AFG2A: variants seen among roughly 807,000 people sequenced by gnomAD.
The protein encoded by AFG2A is AAA ATPase AFG2A.
chr4:122,934,692 A>G, the AFG2A span: 1 of 1,599,792 alleles, frequency 6.3e-7, no homozygotes, highest in Non-Finnish European at 8.5e-7. Context: ...CAATTAGAGA[A>G]ATAATTGAAT....
the AFG2A span, among the ~76,000 whole-genome samples, chr4:123,199,867 A>G: frequency 6.6e-6 from 1 of 152,222 alleles, no homozygotes; most frequent in African/African-American, 2.4e-5. Context: ...GTATAAAAAT[A>G]TCTGCTTTCA....
At chr4:123,162,815 A>G in the AFG2A span, among the ~76,000 whole-genome samples, 2 of 152,184 alleles carry the variant, frequency 1.3e-5, no homozygotes, top group Non-Finnish European at 1.5e-5. Flanking sequence ...TTAGCATGTT[A>G]TTTGGCCCCT....
chr4:123,070,224 T>C, the AFG2A span, among the ~76,000 whole-genome samples: 15 of 152,278 alleles, frequency 9.9e-5, 1 homozygote, highest in Non-Finnish European at 1.9e-4. Flanking sequence ...ATGCCAATTA[T>C]AGTGCTGACA....
the AFG2A span, among the ~76,000 whole-genome samples, chr4:123,079,745 C>CTTTTTTTTTTTTTTTTTTTTT: frequency 5.5e-5 from 4 of 72,660 alleles, no homozygotes; most frequent in African/African-American, 1.2e-4. Flanking sequence ...TCTTTTCCTT[C>CTTTTTTTTTTTTTTTTTTTTT]TTTTTTTTTT....
At chr4:122,988,461 T>A in the AFG2A span, among the ~76,000 whole-genome samples, 1 of 150,924 alleles carries the variant, frequency 6.6e-6, no homozygotes, top group East Asian at 2.0e-4. Context: ...GGTAGTAGTG[T>A]GATCTTGGCT....
chr4:123,093,437 G>A, the AFG2A span, among the ~76,000 whole-genome samples: 2 of 152,202 alleles, frequency 1.3e-5, no homozygotes, highest in Non-Finnish European at 2.9e-5. Context: ...CAACTGCCAT[G>A]GTTCTGGTGG....
the AFG2A span, among the ~76,000 whole-genome samples, chr4:122,985,616 A>G: frequency 1.2e-4 from 18 of 152,048 alleles, no homozygotes; most frequent in Admixed American, 8.5e-4. Flanking sequence ...TTTCAGTGGT[A>G]TCAGTTGTAA....
chr4:123,020,369 G>GT, the AFG2A span, among the ~76,000 whole-genome samples: 1,403 of 141,822 alleles, frequency 9.9e-3, 16 homozygotes, highest in African/African-American at 0.023. Flanking sequence ...TGTGTATGTG[G>GT]TTTTTTTTTT....
chr4:123,153,496 G>A, the AFG2A span, among the ~76,000 whole-genome samples: 1 of 152,170 alleles, frequency 6.6e-6, no homozygotes, highest in Non-Finnish European at 1.5e-5. Flanking sequence ...CAGGGGACAT[G>A]TGCAGGATGT....
the AFG2A span, among the ~76,000 whole-genome samples, chr4:123,278,087 G>T: frequency 1.3e-5 from 2 of 151,708 alleles, no homozygotes; most frequent in African/African-American, 2.4e-5. Flanking sequence ...AATTCTGTCT[G>T]GTCCTGGGCT....
At chr4:123,285,391 T>C in the AFG2A span, among the ~76,000 whole-genome samples, 1 of 152,142 alleles carries the variant, frequency 6.6e-6, no homozygotes, top group African/African-American at 2.4e-5. Context: ...ATTCTTAGGC[T>C]TTCCCTTCTC....
the AFG2A span, among the ~76,000 whole-genome samples, chr4:122,966,783 G>T: frequency 1.2e-4 from 18 of 152,118 alleles, no homozygotes; most frequent in Non-Finnish European, 2.5e-4. Flanking sequence ...ATAACTACGC[G>T]TTATGATGTA....
the AFG2A span, chr4:123,256,293 T>G: frequency 8.0e-7 from 1 of 1,256,976 alleles, no homozygotes; most frequent in Non-Finnish European, 1.1e-6. Context: ...CTAAGAAATC[T>G]TGAAACAGGA....
chr4:123,018,560 A>G, the AFG2A span, among the ~76,000 whole-genome samples: 2 of 152,116 alleles, frequency 1.3e-5, no homozygotes, highest in Non-Finnish European at 2.9e-5. Context: ...TTATGATTTC[A>G]TGGTAGTGTT....
the AFG2A span, among the ~76,000 whole-genome samples, chr4:123,192,837 C>T: frequency 2.0e-5 from 3 of 152,180 alleles, no homozygotes; most frequent in Non-Finnish European, 4.4e-5. Flanking sequence ...TTTATTCTAC[C>T]TTTGATTTGG....
At chr4:123,024,610 G>A in the AFG2A span, among the ~76,000 whole-genome samples, 3 of 152,200 alleles carry the variant, frequency 2.0e-5, no homozygotes, top group East Asian at 5.8e-4. Context: ...ATCAAAGGAA[G>A]GACCCTCTAC....
the AFG2A span, among the ~76,000 whole-genome samples, chr4:123,043,041 G>A: frequency 6.6e-6 from 1 of 152,108 alleles, no homozygotes; most frequent in African/African-American, 2.4e-5. Context: ...TTTAGAAATT[G>A]TTTTAATATT....
the AFG2A span, among the ~76,000 whole-genome samples, chr4:123,218,659 A>G: frequency 6.6e-6 from 1 of 151,928 alleles, no homozygotes; most frequent in Non-Finnish European, 1.5e-5. Flanking sequence ...ATACATACAT[A>G]CATACATACA....
the AFG2A span, among the ~76,000 whole-genome samples, chr4:123,102,573 G>C: frequency 6.6e-6 from 1 of 151,950 alleles, no homozygotes; most frequent in African/African-American, 2.4e-5. Context: ...CTAACTGTAT[G>C]ATTAAAGTTG....
Sources: allele counts gnomAD v4.1 joint callset (sites outside exome capture counted in the v4.1 genomes callset), GRCh38; gene constraint gnomAD v4.1.1; transcripts MANE v1.5; gene names NCBI Gene and HGNC (gene_info 2026-07-23, HGNC 2026-07-21).